Variants in BCL2 observed in about 807,000 individuals in gnomAD.
BCL2 encodes the protein apoptosis regulator Bcl-2.
A neutral mutation model predicts 14.2 loss-of-function variants in BCL2; 1 was observed. That is an observed-to-expected ratio of 0.07 (90% CI 0.02 to 0.33). BCL2 has a LOEUF of 0.33. BCL2 is among the 10% of genes least tolerant of loss of function. BCL2 has a pLI of 0.99. For missense variants in BCL2, 247 were observed against 305.9 expected (o/e 0.81, Z 1.44); for synonymous variants, 151 against 137.2 (o/e 1.10, Z -0.70).
In BCL2 at chr18:63,318,508, G is replaced by T; in HGVS notation, c.159C>A (p.Pro53=). Residue 53 remains proline (P), a synonymous_variant, in exon 2 of 3, where the codon CCC becomes CCA. Transcript: ENST00000333681. This position sits in a 1 kb window ranked among gnomAD's most constrained non-coding sequence, Gnocchi z 7.4. ...ATGCGGCTGGATGGGGCGTGTGCCC[G>T]GGCTGGGAGGAGAAGATGCCCGGTG... ...APAPGIFSSQ[P]GHTPHPAASR... is the part of the protein sequence containing the mutation. The T allele has an allele frequency of 6.5e-7, 1 of 1,549,318 alleles. No individual in the cohort carries two copies.
chr18:63,133,514 C>G (rs1188311047), intron 2 of BCL2, among the ~76,000 whole-genome samples: 1 of 152,084 alleles, frequency 6.6e-6, no homozygotes, highest in Non-Finnish European at 1.5e-5. Context: ...ATTCAAACTC[C>G]TGGCCTCAAG....
At chr18:63,236,881 T>C (rs374109135) in intron 2 of BCL2, among the ~76,000 whole-genome samples, 1 of 152,216 alleles carries the variant, frequency 6.6e-6, no homozygotes, top group Non-Finnish European at 1.5e-5. Flanking sequence ...TTGTTTAAAA[T>C]TGAGGAGTAG....
intron 2 of BCL2, among the ~76,000 whole-genome samples, chr18:63,194,455 C>T (rs139332061): frequency 3.3e-5 from 5 of 151,842 alleles, no homozygotes; most frequent in African/African-American, 9.7e-5. Flanking sequence ...CTGCCTCAGT[C>T]TCCCTAGTAG....
chr18:63,129,493 G>T (rs1372923541), intron 2 of BCL2, among the ~76,000 whole-genome samples: 1 of 151,976 alleles, frequency 6.6e-6, no homozygotes, highest in African/African-American at 2.4e-5. Flanking sequence ...TTTCCAGGCT[G>T]GTCTTGAACT....
At chr18:63,280,893 T>G (rs1599287767) in intron 2 of BCL2, among the ~76,000 whole-genome samples, 1 of 152,190 alleles carries the variant, frequency 6.6e-6, no homozygotes, top group Non-Finnish European at 1.5e-5. Context: ...ATACCGTTCA[T>G]AGCAGCATTA....
At chr18:63,280,087 T>C (rs577178230) in intron 2 of BCL2, among the ~76,000 whole-genome samples, 5 of 152,354 alleles carry the variant, frequency 3.3e-5, no homozygotes, top group African/African-American at 1.2e-4. Flanking sequence ...ATATTTTATT[T>C]ACATTTTGGT....
At position 63,174,889 on chromosome 18, in the gene BCL2, C is replaced by CAAA. The variant is rs567374261; in HGVS notation, c.586-46133_586-46131dup. ...CCCTCAATCTCTCTGTCATCTCCCC[C>CAAA]AAAACACTAAATTTTGTGGAATTCC... On this transcript the variant is annotated intron_variant, in intron 2 of 2. Transcript: ENST00000333681. Among the ~76,000 whole-genome samples the CAAA allele has an allele frequency of 2.1e-3, 318 of 151,818 alleles. 2 individuals are homozygous for CAAA. Among genetic ancestry groups the CAAA allele is most frequent in the African/African-American group, 7.4e-3 (308 of 41,368 alleles).
intron 2 of BCL2, among the ~76,000 whole-genome samples, chr18:63,156,955 TGGTGAGTA>T (rs1474789078): frequency 6.6e-6 from 1 of 152,212 alleles, no homozygotes. Context: ...AGGAGCTAGC[TGGTGAGTA>T]GCTACCGCAG....
intron 2 of BCL2, among the ~76,000 whole-genome samples, chr18:63,287,169 G>A (rs1047965911): frequency 6.6e-6 from 1 of 152,074 alleles, no homozygotes; most frequent in East Asian, 1.9e-4. Context: ...CTGCTTCTCT[G>A]ATCTGCCCAT....
intron 2 of BCL2, among the ~76,000 whole-genome samples, chr18:63,129,028 G>A (rs1212236094): frequency 6.6e-6 from 1 of 152,188 alleles, no homozygotes; most frequent in African/African-American, 2.4e-5. Flanking sequence ...CCTACTTCAC[G>A]AAGCTTCCAT....
At chr18:63,235,683 T>G (rs986417402) in intron 2 of BCL2, among the ~76,000 whole-genome samples, 22 of 151,852 alleles carry the variant, frequency 1.4e-4, no homozygotes, top group Admixed American at 3.9e-4. Context: ...ATGGGGAAAG[T>G]CTATCTCTTT....
At chr18:63,303,101 G>A (rs1913016005) in intron 2 of BCL2, among the ~76,000 whole-genome samples, 1 of 152,182 alleles carries the variant, frequency 6.6e-6, no homozygotes, top group Non-Finnish European at 1.5e-5. Context: ...AATAAAAAGA[G>A]TGAAGGGAAA....
At chr18:63,240,803 C>G (rs147773866) in intron 2 of BCL2, among the ~76,000 whole-genome samples, 2 of 152,312 alleles carry the variant, frequency 1.3e-5, no homozygotes, top group Non-Finnish European at 2.9e-5. Context: ...TGACTTGTCT[C>G]TGTTATTTGA....
At chr18:63,182,504 A>C (rs1319751996) in intron 2 of BCL2, among the ~76,000 whole-genome samples, 2 of 152,212 alleles carry the variant, frequency 1.3e-5, no homozygotes, top group Admixed American at 6.5e-5. Flanking sequence ...GCCTCTGCAG[A>C]GAAGGGACTG....
In BCL2 at chr18:63,317,569, T is replaced by C. The variant is rs565648861; in HGVS notation, c.585+513A>G. ...TTTGGAAAATTTTACCGATTGATGA[T>C]GCCCTTGGTCTTCTGTGGAGTCTAT... On this transcript the variant is annotated intron_variant, in intron 2 of 2. Coordinates refer to ENST00000333681, the MANE Select transcript of BCL2 (RefSeq NM_000633.3). 9.1e-6 allele frequency: 9 copies of C among 988,768 alleles called. No individual in the cohort carries two copies. The East Asian group carries it at 7.6e-4, about 83-fold the overall frequency. 61.2% of individuals were successfully genotyped at this position (988,768 alleles called of 1,614,324 possible). A position where few individuals can be genotyped will look rare whatever the true frequency, so the allele number is the denominator to read the frequency against.
rs529240927 is a variant in BCL2 at position 63,244,333 on chromosome 18, G to A, written c.585+73749C>T. Among the ~76,000 whole-genome samples the A allele has an allele frequency of 7.2e-5, 11 of 152,162 alleles. No individual in the cohort carries two copies. The South Asian group carries it at 2.1e-3, about 29-fold the overall frequency. On this transcript the variant is annotated intron_variant, in intron 2 of 2. Coordinates refer to ENST00000333681, the MANE Select transcript of BCL2 (RefSeq NM_000633.3). ...GCGGAGGTTGCAGTGAGCCGAGATC[G>A]CGCCACTGCACTCCAGCTTGGGCGA...
chr18:63,198,843 A>ACAGACACAG (rs1909571641), intron 2 of BCL2, among the ~76,000 whole-genome samples: 2 of 142,486 alleles, frequency 1.4e-5, no homozygotes, highest in Non-Finnish European at 1.6e-5. Context: ...ACAGACACAC[A>ACAGACACAG]TAGACACAGA....
intron 2 of BCL2, among the ~76,000 whole-genome samples, chr18:63,166,511 C>T (rs57727866): frequency 0.17 from 25,808 of 152,152 alleles, 2,759 homozygotes; most frequent in East Asian, 0.42. Context: ...CAAGCCCATA[C>T]GATATCATGA....
chr18:63,281,723 A>G (rs550880613), intron 2 of BCL2, among the ~76,000 whole-genome samples: 29 of 150,134 alleles, frequency 1.9e-4, no homozygotes, highest in African/African-American at 7.0e-4. Flanking sequence ...AAAGAAAGAA[A>G]GAAAGAAAGA....
Sources: allele counts gnomAD v4.1 joint callset (sites outside exome capture counted in the v4.1 genomes callset), GRCh38; gene constraint gnomAD v4.1.1; non-coding constraint Gnocchi (gnomAD v3.1); transcripts MANE v1.5; gene names NCBI Gene and HGNC (gene_info 2026-07-23, HGNC 2026-07-21).